Variants in ABLIM1 observed in about 807,000 individuals in gnomAD.
ABLIM1 encodes the protein actin-binding LIM protein 1.
A neutral mutation model predicts 107.0 loss-of-function variants in ABLIM1; 40 were observed. The ratio of observed to expected loss-of-function variants is 0.37; its 90% CI spans 0.29 to 0.49. The LOEUF is 0.49. Ranked by LOEUF, ABLIM1 falls within the 20% of genes least tolerant of loss-of-function variation. The probability of loss-of-function intolerance (pLI) is 0.97; values close to 1 mark genes in which losing one functional copy is unlikely to be tolerated. For missense variants in ABLIM1, 857 were observed against 1,008.5 expected, an observed-to-expected ratio of 0.85 and a Z score of 2.04; for synonymous variants, 357 against 357.3, an observed-to-expected ratio of 1.00 and a Z score of 0.01.
At chr10:114,479,465 C>A (rs1016790034) in intron 8 of ABLIM1, among the ~76,000 whole-genome samples, 1 of 152,182 alleles carries the variant, frequency 6.6e-6, no homozygotes, top group Admixed American at 6.5e-5. Flanking sequence ...GACAGATAGC[C>A]TTCCCCTCCT....
intron 1 of ABLIM1, among the ~76,000 whole-genome samples, chr10:114,616,227 T>C (rs546500093): frequency 2.6e-5 from 4 of 152,136 alleles, no homozygotes; most frequent in Admixed American, 6.5e-5. Context: ...TGCATGATGG[T>C]AATTGCCTGC....
chr10:114,713,247 A>G (rs1452751893), intron 1 of ABLIM1, among the ~76,000 whole-genome samples: 1 of 152,130 alleles, frequency 6.6e-6, no homozygotes, highest in Non-Finnish European at 1.5e-5. Flanking sequence ...CACATGGGTT[A>G]TTTACCAAGG....
At chr10:114,793,415 C>G in the ABLIM1 span, among the ~76,000 whole-genome samples, 7 of 152,094 alleles carry the variant, frequency 4.6e-5, no homozygotes, top group Non-Finnish European at 4.4e-5. Flanking sequence ...CCTGAGGCCT[C>G]CCCACAACCA....
At chr10:114,461,607 C>T (rs2063929514) in intron 12 of ABLIM1, among the ~76,000 whole-genome samples, 1 of 152,042 alleles carries the variant, frequency 6.6e-6, no homozygotes, top group Non-Finnish European at 1.5e-5. Context: ...TCACTTGAAG[C>T]CAGGAGTTTG....
chr10:114,465,623 C>A, intron 12 of ABLIM1, 75 bp downstream of exon 12: 1 of 1,545,228 alleles, frequency 6.5e-7, no homozygotes, highest in Non-Finnish European at 8.8e-7. Context: ...TTTCAATGTG[C>A]TATCAATAGT....
the ABLIM1 span, among the ~76,000 whole-genome samples, chr10:114,780,213 G>C: frequency 1.3e-4 from 20 of 152,170 alleles, no homozygotes; most frequent in Non-Finnish European, 1.5e-4. Context: ...GTGTCCTTGA[G>C]AGCATACAGT....
upstream of ABLIM1, among the ~76,000 whole-genome samples, chr10:114,686,831 T>A (rs1370048335): frequency 6.6e-6 from 1 of 151,952 alleles, no homozygotes; most frequent in Admixed American, 6.6e-5. Context: ...CTCCCTATAT[T>A]GCCCAGGCTG....
chr10:114,752,774 T>C (rs2082545510), intron 1 of ABLIM1, among the ~76,000 whole-genome samples: 2 of 152,176 alleles, frequency 1.3e-5, no homozygotes, highest in South Asian at 4.1e-4. Context: ...ATGATCTCAT[T>C]CCTTTTTATG....
intron 1 of ABLIM1, among the ~76,000 whole-genome samples, chr10:114,699,212 A>AG (rs1203950504): frequency 7.1e-6 from 1 of 140,818 alleles, no homozygotes; most frequent in Non-Finnish European, 1.5e-5. Flanking sequence ...TAAAATTTTG[A>AG]GAAAAAAAAA....
At chr10:114,477,477 T>A (rs1011235006) in intron 8 of ABLIM1, among the ~76,000 whole-genome samples, 4 of 152,216 alleles carry the variant, frequency 2.6e-5, no homozygotes, top group African/African-American at 9.6e-5. Flanking sequence ...ACTCGTATGT[T>A]ACTCATCCTT....
upstream of ABLIM1, among the ~76,000 whole-genome samples, chr10:114,768,879 G>A (rs1026849581): frequency 6.6e-6 from 1 of 152,122 alleles, no homozygotes; most frequent in African/African-American, 2.4e-5. Flanking sequence ...ATAAAAAGGA[G>A]AAAATACAAC....
intron 6 of ABLIM1, among the ~76,000 whole-genome samples, chr10:114,495,311 C>T (rs902988470): frequency 3.9e-5 from 6 of 152,092 alleles, no homozygotes; most frequent in East Asian, 1.9e-4. Flanking sequence ...TACCCCAGCC[C>T]GTACTGGAAA....
intron 1 of ABLIM1, among the ~76,000 whole-genome samples, chr10:114,665,606 A>C (rs2141310478): frequency 6.6e-6 from 1 of 152,350 alleles, no homozygotes; most frequent in Non-Finnish European, 1.5e-5. Flanking sequence ...AGCCTTTAAA[A>C]GCATACTCAA....
intron 6 of ABLIM1, among the ~76,000 whole-genome samples, chr10:114,538,852 C>T (rs2066323042): frequency 6.6e-6 from 1 of 152,234 alleles, no homozygotes; most frequent in Admixed American, 6.5e-5. Flanking sequence ...CAGGTAGCCC[C>T]TGGGGGCATA....
At chr10:114,466,235 A>C (rs1024317096) in intron 11 of ABLIM1, among the ~76,000 whole-genome samples, 3 of 152,108 alleles carry the variant, frequency 2.0e-5, no homozygotes, top group Non-Finnish European at 4.4e-5. Context: ...CCAGCTACTC[A>C]GGAGTTCGAG....
At position 114,656,870 on chromosome 10, in the gene ABLIM1, G is replaced by C. The variant is rs567204990; in HGVS notation, c.244+1087C>G. Among the ~76,000 whole-genome samples the C allele has an allele frequency of 1.2e-4, 19 of 152,292 alleles. No individual in the cohort carries two copies. The South Asian group carries it at 3.5e-3, about 28-fold the overall frequency. Reference sequence around the variant, plus strand: ...ATTCACATGAAATATCCAGAATAGGGAAATCTAAGAGGCAGAAAGTAGATT... The same window carrying C: ...ATTCACATGAAATATCCAGAATAGGCAAATCTAAGAGGCAGAAAGTAGATT... On this transcript the variant is annotated intron_variant, in intron 1 of 22. Coordinates refer to ENST00000533213, the MANE Select transcript of ABLIM1 (RefSeq NM_002313.7).
rs971485646 is a variant in ABLIM1, at chr10:114,767,976, G to T, written c.-213+85C>A. 30 of 404,398 alleles carry T rather than the reference G, an allele frequency of 7.4e-5. 2 individuals carry two copies. The highest frequency in any genetic ancestry group is 4.9e-4 in the South Asian group (29 of 58,718). 25.1% of individuals were successfully genotyped at this position (404,398 alleles called of 1,614,324 possible). A position where few individuals can be genotyped will look rare whatever the true frequency, so the allele number is the denominator to read the frequency against. On this transcript the variant is annotated intron_variant, in intron 1 of 15. Coordinates refer to the ABLIM1 transcript ENST00000651092. The stretch of plus-strand genomic sequence containing the variant: ...AAAGTTTCAGGCCGGGCTGGGGCCG[G>T]CGCGGCTGTCGCAGCCCCCCCGCCC...
upstream of ABLIM1, among the ~76,000 whole-genome samples, chr10:114,659,223 C>T (rs1046815143): frequency 5.3e-5 from 8 of 151,952 alleles, no homozygotes; most frequent in African/African-American, 1.9e-4. Context: ...TGCATAAGAA[C>T]CATCTGCAGG....
In ABLIM1 at chr10:114,531,835, G is replaced by A. The variant is rs1256104996; in HGVS notation, c.894+13170C>T. On this transcript the variant is annotated intron_variant, in intron 6 of 22. Transcript: ENST00000533213. Reference sequence around the variant, plus strand: ...TCCACCAGATTATTTAGCTTTAAGTGTGGCTTCTGGGATCAAGTCCTGGTG... The same window carrying A: ...TCCACCAGATTATTTAGCTTTAAGTATGGCTTCTGGGATCAAGTCCTGGTG... Among the ~76,000 whole-genome samples the A allele has an allele frequency of 3.3e-5, 5 of 152,020 alleles. No homozygotes were observed. In the East Asian group the frequency reaches 9.7e-4, roughly 29 times the overall value.
Sources: gnomAD v4.1 joint callset for allele counts (sites outside exome capture counted in the v4.1 genomes callset) on GRCh38, gnomAD v4.1.1 for gene constraint, MANE v1.5 for transcripts, NCBI Gene and HGNC (gene_info 2026-07-23, HGNC 2026-07-21) for gene names.